PARD3: variants seen among roughly 807,000 people sequenced by gnomAD.
The protein encoded by PARD3 is partitioning defective 3 homolog.
In PARD3, 75 loss-of-function variants were observed where a neutral mutation model predicts 155.4. The observed-to-expected ratio is 0.48, with a 90% CI of 0.40 to 0.58. The LOEUF (loss-of-function observed/expected upper bound fraction) is 0.58. Among genes scored for constraint, PARD3 ranks in the 20% least tolerant of loss-of-function variants. PARD3 has a pLI of 0.00. For missense variants in PARD3, 1,642 were observed against 1,721.7 expected, an observed-to-expected ratio of 0.95 and a Z score of 0.82; for synonymous variants, 576 against 610.5, an observed-to-expected ratio of 0.94 and a Z score of 0.83.
chr10:34,228,731 G>A (rs1235146787), intron 22 of PARD3, among the ~76,000 whole-genome samples: 1 of 152,034 alleles, frequency 6.6e-6, no homozygotes, highest in Non-Finnish European at 1.5e-5. Flanking sequence ...AGCAGCACAG[G>A]AGCTGAATCG....
chr10:34,406,339 C>G (rs1234169161), intron 5 of PARD3, among the ~76,000 whole-genome samples: 1 of 152,084 alleles, frequency 6.6e-6, no homozygotes, highest in African/African-American at 2.4e-5. Context: ...ATATAAAGCT[C>G]TTTTTGGAAG....
At chr10:34,398,168 G>A (rs1377437538) in intron 7 of PARD3, among the ~76,000 whole-genome samples, 2 of 152,074 alleles carry the variant, frequency 1.3e-5, no homozygotes, top group Non-Finnish European at 2.9e-5. Flanking sequence ...CTCCAGCAGA[G>A]TTCTAAGTCA....
intron 20 of PARD3, among the ~76,000 whole-genome samples, chr10:34,311,047 T>A (rs1048867525): frequency 1.3e-5 from 2 of 152,320 alleles, no homozygotes; most frequent in African/African-American, 4.8e-5. Context: ...TTAATCCCCA[T>A]GGCAATTAGG....
chr10:34,271,367 G>C (rs1474707455), intron 21 of PARD3, among the ~76,000 whole-genome samples: 1 of 152,034 alleles, frequency 6.6e-6, no homozygotes, highest in Non-Finnish European at 1.5e-5. Flanking sequence ...TGACCAAATG[G>C]TGTTTACTGC....
intron 7 of PARD3, among the ~76,000 whole-genome samples, chr10:34,393,689 G>C (rs1236542456): frequency 6.6e-6 from 1 of 152,056 alleles, no homozygotes; most frequent in African/African-American, 2.4e-5. Context: ...CCAAGAGTTT[G>C]AGACCAGCCT....
intron 12 of PARD3, among the ~76,000 whole-genome samples, chr10:34,362,864 TA>T (rs1329369530): frequency 1.3e-5 from 2 of 152,208 alleles, no homozygotes; most frequent in East Asian, 3.8e-4. Flanking sequence ...TACAAGAATA[TA>T]AAGTACGGTA....
intron 22 of PARD3, among the ~76,000 whole-genome samples, chr10:34,243,620 G>A (rs61840222): frequency 0.067 from 10,220 of 152,108 alleles, 468 homozygotes; most frequent in Non-Finnish European, 0.095. Flanking sequence ...GATGGATCAC[G>A]AGGTCAGGAG....
intron 2 of PARD3, among the ~76,000 whole-genome samples, chr10:34,577,565 G>A (rs967656219): frequency 2.6e-5 from 4 of 152,194 alleles, no homozygotes; most frequent in Non-Finnish European, 4.4e-5. Flanking sequence ...AATGAGAATC[G>A]ATAATGTGTC....
In PARD3 at chr10:34,501,706, C is replaced by CA. The variant is rs532094433; in HGVS notation, c.403+15272dup. 3.5e-3 allele frequency among the ~76,000 whole-genome samples: 529 copies of CA among 151,562 alleles called. 2 individuals carry two copies. The highest frequency in any genetic ancestry group is 6.0e-3 in the Non-Finnish European group (409 of 67,894). ...TTAAATGCATGTAAAATGTGGTAGG[C>CA]AAAATAATGCCCTCCCACCCTCCTC... On this transcript the variant is annotated intron_variant, in intron 3 of 24. Coordinates refer to ENST00000374788, the MANE Select transcript of PARD3 (RefSeq NM_001184785.2).
intron 24 of PARD3, 45 bp from the exon 25 acceptor site, chr10:34,111,607 A>C (rs555951727): frequency 6.7e-7 from 1 of 1,498,070 alleles, no homozygotes; most frequent in African/African-American, 1.4e-5. Flanking sequence ...AGGAAGAAGG[A>C]GGGAGAGGGA....
intron 22 of PARD3, among the ~76,000 whole-genome samples, chr10:34,227,881 T>TATATATATAC (rs1199483392): frequency 6.7e-5 from 9 of 133,736 alleles, no homozygotes; most frequent in Non-Finnish European, 9.5e-5. Flanking sequence ...TATATATATA[T>TATATATATAC]ATACTGGGAA....
At position 34,664,068 on chromosome 10, in the gene PARD3, G is replaced by A. The variant is rs1439941845; in HGVS notation, c.222+32250C>T. On this transcript the variant is annotated intron_variant, in intron 2 of 24. Coordinates refer to ENST00000374788, the MANE Select transcript of PARD3 (RefSeq NM_001184785.2). ...CAGCACAGGGAGTGTGTCCAGCTGCGATGTTTCCCTAAGGATGACACTCCC... is the reference window on the plus strand; with the variant it reads ...CAGCACAGGGAGTGTGTCCAGCTGCAATGTTTCCCTAAGGATGACACTCCC... The A allele has an allele frequency of 3.3e-5, 5 of 152,212 alleles. No homozygotes were observed. In the East Asian group the frequency reaches 5.8e-4, roughly 18 times the overall value. 9.4% of individuals were successfully genotyped at this position (152,212 alleles called of 1,614,324 possible). A position where few individuals can be genotyped will look rare whatever the true frequency, so the allele number is the denominator to read the frequency against.
At chr10:34,140,581 T>C (rs1352840644) in intron 22 of PARD3, among the ~76,000 whole-genome samples, 4 of 152,234 alleles carry the variant, frequency 2.6e-5, no homozygotes, top group Admixed American at 6.5e-5. Context: ...CTATTCACTA[T>C]GGCTCTATCT....
At chr10:34,462,415 A>G (rs780353417) in intron 4 of PARD3, among the ~76,000 whole-genome samples, 3 of 152,240 alleles carry the variant, frequency 2.0e-5, no homozygotes, top group Non-Finnish European at 4.4e-5. Context: ...CTTCAAATCC[A>G]ACAGAACATA....
chr10:34,246,663 C>T (rs1953968708), intron 22 of PARD3, among the ~76,000 whole-genome samples: 2 of 149,352 alleles, frequency 1.3e-5, no homozygotes, highest in African/African-American at 5.2e-5. Context: ...CAGACAAGAA[C>T]AACTTTTGTG....
rs142094194 is a variant in PARD3, at chr10:34,298,686, G to A, written c.3066-14441C>T. Among the ~76,000 whole-genome samples, 445 of 152,296 alleles carry A rather than the reference G, an allele frequency of 2.9e-3. 2 individuals are homozygous for A. The highest frequency in any genetic ancestry group is 0.01 in the African/African-American group (432 of 41,558). On this transcript the variant is annotated intron_variant, in intron 20 of 24. Coordinates refer to ENST00000374788, the MANE Select transcript of PARD3 (RefSeq NM_001184785.2). The stretch of plus-strand genomic sequence containing the variant: ...TGGTGGCGGTGAAGTGCACAACAAC[G>A]TGAGCACACTTACTGCTGCTGAACT...
At chr10:34,221,916 T>A (rs1304271778) in intron 22 of PARD3, among the ~76,000 whole-genome samples, 1 of 152,212 alleles carries the variant, frequency 6.6e-6, no homozygotes, top group Non-Finnish European at 1.5e-5. Flanking sequence ...TGATTCTACA[T>A]ACCAGCTAAA....
At chr10:34,809,024 C>T (rs1424451547) in intron 1 of PARD3, among the ~76,000 whole-genome samples, 1 of 152,184 alleles carries the variant, frequency 6.6e-6, no homozygotes, top group African/African-American at 2.4e-5. Context: ...CAGGAGGGTC[C>T]TCTGCTTGAG....
At position 34,696,396 on chromosome 10, in the gene PARD3, C is replaced by T; in HGVS notation, c.144G>A (p.Val48=). The T allele has an allele frequency of 6.2e-7, 1 of 1,608,916 alleles. No individual in the cohort carries two copies. The highest frequency in any genetic ancestry group is 8.5e-7 in the Non-Finnish European group (1 of 1,175,328). ...CTCCATCTCCATGTTCCAAGCGATG[C>T]ACCTGTATCCAGTAGTTTGGATCCT... ...IAKDPNYWIQ[V]HRLEHGDGGI... is the part of the protein sequence containing the mutation. Residue 48 remains valine, a synonymous_variant, in exon 2 of 25, where the codon GTG becomes GTA. Transcript: ENST00000374788.
Sources: allele counts gnomAD v4.1 joint callset (sites outside exome capture counted in the v4.1 genomes callset), GRCh38; gene constraint gnomAD v4.1.1; transcripts MANE v1.5; gene names NCBI Gene and HGNC (gene_info 2026-07-23, HGNC 2026-07-21).